Variants in TMCC1 observed in about 807,000 individuals in gnomAD.
TMCC1 encodes the protein transmembrane and coiled-coil domain family 1, also known as transmembrane and coiled-coil domains protein 1.
TMCC1 carries 15 observed loss-of-function variants against 52.4 expected under a neutral mutation model. That is an observed-to-expected ratio of 0.29 (90% CI 0.19 to 0.44). TMCC1 has a LOEUF of 0.44. Among genes scored for constraint, TMCC1 ranks in the 20% least tolerant of loss-of-function variants. The pLI is 1.00. For synonymous variants in TMCC1, 279 were observed against 301.9 expected (o/e 0.92, Z 0.79); for missense variants, 503 against 806.0 (o/e 0.62, Z 4.55).
At position 129,685,286 on chromosome 3, in the gene TMCC1, A is replaced by T. The variant is rs138657314; in HGVS notation, c.577-14022T>A. Among the ~76,000 whole-genome samples, 15 of 152,200 alleles carry T rather than the reference A, an allele frequency of 9.9e-5. No individual in the cohort carries two copies. In the East Asian group the frequency reaches 2.9e-3, roughly 29 times the overall value. ...TCCCAGCTACTCAGGAGGCTAAGTG[A>T]GAAAATCACTTAAGCCCAGGAGTCT... On this transcript the variant is annotated intron_variant, in intron 4 of 6. Transcript: ENST00000393238.
intron 4 of TMCC1, among the ~76,000 whole-genome samples, chr3:129,721,726 A>AAAAAAAAAAT (rs1560267327): frequency 6.9e-6 from 1 of 145,672 alleles, no homozygotes; most frequent in Non-Finnish European, 1.5e-5. Flanking sequence ...AAAAAAAAAA[A>AAAAAAAAAAT]TTAGCTGGGC....
chr3:129,870,417 T>C (rs1214263592), intron 2 of TMCC1, among the ~76,000 whole-genome samples: 2 of 152,106 alleles, frequency 1.3e-5, no homozygotes, highest in African/African-American at 2.4e-5. Flanking sequence ...AAAATCCTAA[T>C]TCTTCAATTG....
intron 4 of TMCC1, among the ~76,000 whole-genome samples, chr3:129,753,295 A>T (rs1047708786): frequency 2.0e-4 from 31 of 152,254 alleles, no homozygotes; most frequent in Admixed American, 4.6e-4. Context: ...AATCTTCCAG[A>T]GTATGAAATG....
At chr3:129,771,774 C>CAA (rs755523077) in intron 4 of TMCC1, among the ~76,000 whole-genome samples, 1,886 of 75,568 alleles carry the variant, frequency 0.025, 124 homozygotes, top group Middle Eastern at 0.036. Flanking sequence ...GACACTGTCT[C>CAA]AAAAAAAAAA....
intron 4 of TMCC1, among the ~76,000 whole-genome samples, chr3:129,827,286 T>C (rs1163629887): frequency 2.0e-5 from 3 of 152,226 alleles, no homozygotes; most frequent in Admixed American, 6.5e-5. Context: ...TGTTTATTAA[T>C]AGTACACTAT....
intron 5 of TMCC1, 67 bp from the exon 6 acceptor site, chr3:129,655,170 T>C (rs1220424135): frequency 6.4e-7 from 1 of 1,563,418 alleles, no homozygotes; most frequent in African/African-American, 1.4e-5. Flanking sequence ...ATTATTTACA[T>C]CCAACTCCCA....
At chr3:129,719,368 T>C (rs929398534) in intron 4 of TMCC1, among the ~76,000 whole-genome samples, 5 of 152,254 alleles carry the variant, frequency 3.3e-5, no homozygotes, top group African/African-American at 9.6e-5. Context: ...GCCTTGCCTA[T>C]GCATCTTTTC....
At chr3:129,686,322 G>A (rs1301570310) in intron 4 of TMCC1, among the ~76,000 whole-genome samples, 1 of 151,950 alleles carries the variant, frequency 6.6e-6, no homozygotes, top group Non-Finnish European at 1.5e-5. Flanking sequence ...GGCTGGTCTC[G>A]AACTCCCAAT....
chr3:129,721,704 CAA>C (rs765601986), intron 4 of TMCC1, among the ~76,000 whole-genome samples: 1,815 of 76,030 alleles, frequency 0.024, 35 homozygotes, highest in African/African-American at 0.072. Flanking sequence ...ACTAAAAATA[CAA>C]AAAAAAAAAA....
intron 5 of TMCC1, among the ~76,000 whole-genome samples, chr3:129,669,479 G>T (rs1328995299): frequency 6.6e-6 from 1 of 151,544 alleles, no homozygotes; most frequent in African/African-American, 2.4e-5. Context: ...TTGTTGCCGA[G>T]GCTGGAACAC....
chr3:129,675,214 G>T (rs555087439), intron 4 of TMCC1, among the ~76,000 whole-genome samples: 71 of 152,172 alleles, frequency 4.7e-4, no homozygotes, highest in Non-Finnish European at 8.4e-4. Context: ...CCTTTCAAAG[G>T]CAGCACTGCA....
At chr3:129,878,133 C>T (rs906374763) in intron 2 of TMCC1, among the ~76,000 whole-genome samples, 6 of 144,878 alleles carry the variant, frequency 4.1e-5, no homozygotes, top group African/African-American at 1.0e-4. Context: ...TAATTTTTTA[C>T]TTTTTTTTTT....
At chr3:129,676,193 A>G (rs983983368) in intron 4 of TMCC1, among the ~76,000 whole-genome samples, 6 of 152,100 alleles carry the variant, frequency 3.9e-5, no homozygotes, top group African/African-American at 1.4e-4. Context: ...CCATATCCTG[A>G]GGGGCTTTTG....
chr3:129,815,208 T>G (rs754270618), intron 4 of TMCC1, among the ~76,000 whole-genome samples: 2 of 151,598 alleles, frequency 1.3e-5, no homozygotes, highest in Non-Finnish European at 2.9e-5. Flanking sequence ...CTGACCACAA[T>G]GGAATAAAGC....
At chr3:129,853,200 A>C (rs2059994294) in intron 2 of TMCC1, among the ~76,000 whole-genome samples, 1 of 152,018 alleles carries the variant, frequency 6.6e-6, no homozygotes, top group African/African-American at 2.4e-5. Flanking sequence ...AAAAGAAAAA[A>C]AAGAAACACC....
intron 2 of TMCC1, among the ~76,000 whole-genome samples, chr3:129,854,405 A>AG (rs2060057194): frequency 1.3e-5 from 2 of 151,150 alleles, no homozygotes; most frequent in Non-Finnish European, 3.0e-5. Flanking sequence ...AAAGAAAAAA[A>AG]AAAAGAAAAT....
At chr3:129,811,948 T>TAA (rs538444532) in intron 4 of TMCC1, among the ~76,000 whole-genome samples, 7 of 132,254 alleles carry the variant, frequency 5.3e-5, no homozygotes, top group Admixed American at 1.5e-4. Flanking sequence ...TGCCTCAATT[T>TAA]AAAAAAAAAA....
chr3:129,870,380 A>G (rs898022954), intron 2 of TMCC1, among the ~76,000 whole-genome samples: 6 of 152,132 alleles, frequency 3.9e-5, no homozygotes, highest in African/African-American at 1.4e-4. Flanking sequence ...TTGGATAGTT[A>G]TATTTCCAAG....
intron 4 of TMCC1, among the ~76,000 whole-genome samples, chr3:129,825,862 A>G (rs900414465): frequency 2.0e-5 from 3 of 152,212 alleles, no homozygotes; most frequent in Non-Finnish European, 4.4e-5. Flanking sequence ...TGACTGTGTT[A>G]CTATAAAACT....
Sources: allele counts gnomAD v4.1 joint callset (sites outside exome capture counted in the v4.1 genomes callset), GRCh38; gene constraint gnomAD v4.1.1; transcripts MANE v1.5; gene names NCBI Gene and HGNC (gene_info 2026-07-23, HGNC 2026-07-21).